The following MDGA2 variants were observed in gnomAD, a reference collection of about 807,000 sequenced individuals.
The protein encoded by MDGA2 is MAM domain-containing glycosylphosphatidylinositol anchor protein 2.
In MDGA2, 40 loss-of-function variants were observed where a neutral mutation model predicts 117.8. The observed-to-expected ratio is 0.34, with a 90% confidence interval of 0.26 to 0.44. The LOEUF (loss-of-function observed/expected upper bound fraction) is 0.44. Among genes scored for constraint, MDGA2 ranks in the 20% least tolerant of loss-of-function variants. MDGA2 has a pLI of 1.00. For synonymous variants in MDGA2, 452 were observed against 439.0 expected (o/e 1.03, Z -0.37); for missense variants, 1,123 against 1,250.6 (o/e 0.90, Z 1.54).
chr14:47,182,806 A>G (rs1452276655), intron 3 of MDGA2, among the ~76,000 whole-genome samples: 2 of 152,172 alleles, frequency 1.3e-5, no homozygotes, highest in African/African-American at 4.8e-5. Flanking sequence ...AAATTCATAT[A>G]CAAATCTGCT....
intron 7 of MDGA2, among the ~76,000 whole-genome samples, chr14:47,040,868 C>G (rs1889040684): frequency 2.0e-5 from 3 of 152,160 alleles, no homozygotes; most frequent in Admixed American, 2.0e-4. Context: ...GAGCCTTAAT[C>G]TGTCTCTAAA....
chr14:47,210,230 T>C (rs1885832426), intron 3 of MDGA2, among the ~76,000 whole-genome samples: 1 of 152,170 alleles, frequency 6.6e-6, no homozygotes, highest in Admixed American at 6.5e-5. Context: ...GCAATCTACC[T>C]AAGTGACATG....
intron 14 of MDGA2, among the ~76,000 whole-genome samples, chr14:46,873,091 G>A (rs1376101190): frequency 6.6e-6 from 1 of 151,906 alleles, no homozygotes; most frequent in African/African-American, 2.4e-5. Context: ...TGATTAATAT[G>A]CATTCAGTCA....
intron 1 of MDGA2, among the ~76,000 whole-genome samples, chr14:47,538,556 G>A (rs968632712): frequency 5.3e-5 from 8 of 152,072 alleles, no homozygotes; most frequent in Non-Finnish European, 7.4e-5. Flanking sequence ...TTGATTGGGT[G>A]GTCCTTAAAG....
chr14:47,244,492 A>G (rs1887174436), intron 2 of MDGA2, among the ~76,000 whole-genome samples: 1 of 151,760 alleles, frequency 6.6e-6, no homozygotes, highest in South Asian at 2.1e-4. Context: ...ATACTAGAAT[A>G]CTCTACAATT....
intron 2 of MDGA2, among the ~76,000 whole-genome samples, chr14:47,259,004 A>G (rs368286514): frequency 6.6e-6 from 1 of 152,104 alleles, no homozygotes; most frequent in African/African-American, 2.4e-5. Context: ...GTTGAAAACA[A>G]AAAGAATTGA....
intron 1 of MDGA2, among the ~76,000 whole-genome samples, chr14:47,525,124 C>T (rs921894180): frequency 2.0e-5 from 3 of 152,194 alleles, no homozygotes; most frequent in Non-Finnish European, 2.9e-5. Context: ...TTCCTTGCAG[C>T]TTGCATCCTA....
chr14:47,617,209 CT>C (rs1249374796), intron 1 of MDGA2, among the ~76,000 whole-genome samples: 548 of 143,954 alleles, frequency 3.8e-3, no homozygotes, highest in Middle Eastern at 7.2e-3. Flanking sequence ...TTGTATTAGT[CT>C]TTTTTTTTTT....
chr14:46,924,138 T>C (rs1427704310), intron 9 of MDGA2, among the ~76,000 whole-genome samples: 1 of 152,012 alleles, frequency 6.6e-6, no homozygotes, highest in East Asian at 1.9e-4. Flanking sequence ...AATCATCATG[T>C]ATGATTATAT....
chr14:47,463,385 G>A (rs977095367), intron 1 of MDGA2, among the ~76,000 whole-genome samples: 4 of 152,068 alleles, frequency 2.6e-5, no homozygotes, highest in African/African-American at 9.7e-5. Flanking sequence ...GGTATAGAAT[G>A]AGGGGTCACA....
Position 46,958,084 on chromosome 14 carries a change from G to C in MDGA2, c.1820-441C>G, listed in dbSNP as rs1027159832. ...GATACTGAAGGCAGCTATTTAAAAA[G>C]CTAATTTACAAAACTGTATGAAAAA... On this transcript the variant is annotated intron_variant, in intron 8 of 16. Transcript: ENST00000399232. Among the ~76,000 whole-genome samples, 5 of 152,116 alleles carry C rather than the reference G, an allele frequency of 3.3e-5. 1 individual carries two copies. Among genetic ancestry groups the C allele is most frequent in the African/African-American group, 1.2e-4 (5 of 41,430 alleles).
rs146916277 is a variant in MDGA2, at chr14:46,919,614, T to C, written c.2238+398A>G. Among the ~76,000 whole-genome samples, 1,114 of 152,340 alleles carry C rather than the reference T, an allele frequency of 7.3e-3. 11 individuals are homozygous for C. Among genetic ancestry groups the C allele is most frequent in the South Asian group, 0.027 (132 of 4,834 alleles). ...GTCTTGAACCCCTAAAGCAAAAATA[T>C]GTACAACTTCTGGCTTCTTAGGAAT... is the stretch of plus-strand genomic sequence containing the variant. On this transcript the variant is annotated intron_variant, in intron 10 of 16. Transcript: ENST00000399232.
chr14:47,092,669 A>C (rs1196604294), intron 6 of MDGA2, among the ~76,000 whole-genome samples: 7 of 152,078 alleles, frequency 4.6e-5, no homozygotes, highest in African/African-American at 1.7e-4. Flanking sequence ...GAAGAAACTA[A>C]AACCTGTGTG....
At chr14:47,280,722 T>A (rs1364084336) in intron 2 of MDGA2, among the ~76,000 whole-genome samples, 2 of 151,970 alleles carry the variant, frequency 1.3e-5, no homozygotes, top group Non-Finnish European at 2.9e-5. Flanking sequence ...AAAAAATGGT[T>A]TAGTAAGGCC....
intron 10 of MDGA2, among the ~76,000 whole-genome samples, chr14:46,904,974 G>GT (rs1189217336): frequency 1.3e-5 from 2 of 152,148 alleles, no homozygotes; most frequent in Non-Finnish European, 2.9e-5. Flanking sequence ...GGGAATCTCT[G>GT]TAACTATGAG....
chr14:47,030,738 T>C (rs1888634934), intron 8 of MDGA2, among the ~76,000 whole-genome samples: 1 of 152,216 alleles, frequency 6.6e-6, no homozygotes, highest in Non-Finnish European at 1.5e-5. Context: ...AATTTTTTAA[T>C]GTTATTAAAA....
At chr14:47,596,305 C>A (rs1896540965) in intron 1 of MDGA2, among the ~76,000 whole-genome samples, 1 of 152,130 alleles carries the variant, frequency 6.6e-6, no homozygotes, top group African/African-American at 2.4e-5. Flanking sequence ...TGAGAATTAA[C>A]TAACTTTAAG....
intron 14 of MDGA2, among the ~76,000 whole-genome samples, chr14:46,863,188 T>C (rs1030273259): frequency 6.6e-6 from 1 of 152,078 alleles, no homozygotes; most frequent in African/African-American, 2.4e-5. Flanking sequence ...TTCCCTCTTT[T>C]GTAGGATGCT....
intron 2 of MDGA2, among the ~76,000 whole-genome samples, chr14:47,286,803 T>TTATATATATATG (rs1555370138): frequency 1.5e-5 from 2 of 130,038 alleles, no homozygotes; most frequent in African/African-American, 6.5e-5. Flanking sequence ...AGGCATATCA[T>TTATATATATATG]TATATATATA....
Sources: allele counts gnomAD v4.1 joint callset (sites outside exome capture counted in the v4.1 genomes callset), GRCh38; gene constraint gnomAD v4.1.1; transcripts MANE v1.5; gene names NCBI Gene and HGNC (gene_info 2026-07-23, HGNC 2026-07-21).